The following RABGAP1L variants were observed in gnomAD, a reference collection of about 807,000 sequenced individuals.
The protein encoded by RABGAP1L is RAB GTPase activating protein 1 like.
RABGAP1L carries 63 observed loss-of-function variants against 137.7 expected under a neutral mutation model. The ratio of observed to expected loss-of-function variants is 0.46; its 90% CI spans 0.37 to 0.56. The LOEUF (loss-of-function observed/expected upper bound fraction) is 0.56, where lower values mean the gene tolerates loss of function less well. Among genes scored for constraint, RABGAP1L ranks in the 20% least tolerant of loss-of-function variants. RABGAP1L has a pLI of 0.00. For missense variants in RABGAP1L, 1,095 were observed against 1,244.0 expected (o/e 0.88, Z 1.80); for synonymous variants, 431 against 433.7 (o/e 0.99, Z 0.08).
In RABGAP1L at chr1:174,953,331, C is replaced by T. The variant is rs565333400; in HGVS notation, c.2341-4126C>T. ...TGTATTCTTTTCAGTCTTCCCCTCC[C>T]ATATCTCCGTCTGAGGCCAGCATGG... On this transcript the variant is annotated intron_variant, in intron 19 of 25. Transcript: ENST00000681986. Among the ~76,000 whole-genome samples, 3 of 152,302 alleles carry T rather than the reference C, an allele frequency of 2.0e-5. No homozygotes were observed. In the South Asian group the frequency reaches 6.2e-4, roughly 32 times the overall value.
chr1:174,625,433 G>A (rs1672876352), intron 13 of RABGAP1L, among the ~76,000 whole-genome samples: 2 of 152,090 alleles, frequency 1.3e-5, no homozygotes, highest in African/African-American at 4.8e-5. Context: ...GGGGTAGTGT[G>A]TGTGTGTTTG....
intron 1 of RABGAP1L, among the ~76,000 whole-genome samples, chr1:174,162,067 G>A (rs1400698367): frequency 1.3e-5 from 2 of 151,092 alleles, no homozygotes; most frequent in African/African-American, 4.9e-5. Context: ...GTTATTTGAT[G>A]GGAATTTCTA....
intron 18 of RABGAP1L, among the ~76,000 whole-genome samples, chr1:174,780,727 C>CACCCCCCCA (rs1686932110): frequency 7.6e-6 from 1 of 131,822 alleles, no homozygotes; most frequent in South Asian, 3.1e-4. Context: ...CCCACCCCCC[C>CACCCCCCCA]ACCCCACAAC....
chr1:174,947,464 C>G (rs1667066550), intron 19 of RABGAP1L, among the ~76,000 whole-genome samples: 1 of 152,004 alleles, frequency 6.6e-6, no homozygotes, highest in Non-Finnish European at 1.5e-5. Context: ...GTCACCCAGG[C>G]TGGAGTACAA....
chr1:174,438,748 A>ATATG lies in RABGAP1L; in HGVS notation c.1710+44606_1710+44607insGTAT, dbSNP rs1295018247. Reference sequence around the variant, plus strand: ...ACCCAAAAAAAGTGTGTGTGTGTATATATATATATATATATATATATATAT... The same window carrying ATATG: ...ACCCAAAAAAAGTGTGTGTGTGTATATATGTATATATATATATATATATATATAT... On this transcript the variant is annotated intron_variant, in intron 13 of 25. Transcript: ENST00000681986. 6.7e-4 allele frequency among the ~76,000 whole-genome samples: 77 copies of ATATG among 114,474 alleles called. 4 individuals are homozygous for ATATG. The East Asian group carries it at 0.016, about 24-fold the overall frequency. 75.1% of individuals were successfully genotyped at this position (114,474 alleles called of 152,430 possible).
intron 18 of RABGAP1L, among the ~76,000 whole-genome samples, chr1:174,776,391 A>AG (rs1229678694): frequency 6.6e-6 from 1 of 152,060 alleles, no homozygotes; most frequent in East Asian, 1.9e-4. Flanking sequence ...TAAAAAAAAA[A>AG]TAATAATAAA....
chr1:174,742,430 T>A (rs927295586), intron 17 of RABGAP1L, among the ~76,000 whole-genome samples: 1 of 152,096 alleles, frequency 6.6e-6, no homozygotes, highest in Non-Finnish European at 1.5e-5. Flanking sequence ...GGCAGGAGAT[T>A]TGCTTAAGCC....
At chr1:174,632,461 TCTC>T (rs1322226477) in intron 13 of RABGAP1L, among the ~76,000 whole-genome samples, 2 of 149,396 alleles carry the variant, frequency 1.3e-5, no homozygotes, top group African/African-American at 5.0e-5. Flanking sequence ...TTGGGGAAGT[TCTC>T]CTGGATAATA....
rs939442515 is a variant in RABGAP1L, at chr1:174,936,680, C to A, written c.2341-20777C>A. 2.6e-5 allele frequency among the ~76,000 whole-genome samples: 4 copies of A among 152,258 alleles called. No individual in the cohort carries two copies. The East Asian group carries it at 7.7e-4, about 29-fold the overall frequency. The stretch of plus-strand genomic sequence containing the variant: ...TAAATGACTGGACACCTTATAGAGA[C>A]AACAAAGTGCTCCCTAACACTAACT... On this transcript the variant is annotated intron_variant, in intron 19 of 25. Transcript: ENST00000681986.
At chr1:174,370,568 A>G (rs1451935946) in intron 11 of RABGAP1L, among the ~76,000 whole-genome samples, 1 of 75,534 alleles carries the variant, frequency 1.3e-5, no homozygotes, top group Non-Finnish European at 2.6e-5. Context: ...CATAATATGT[A>G]TGTTTCTCAG....
intron 18 of RABGAP1L, among the ~76,000 whole-genome samples, chr1:174,784,254 C>T (rs1387938710): frequency 6.6e-6 from 1 of 151,858 alleles, no homozygotes; most frequent in Non-Finnish European, 1.5e-5. Flanking sequence ...CTTCTGACCT[C>T]GTGATCCGCC....
intron 13 of RABGAP1L, among the ~76,000 whole-genome samples, chr1:174,584,431 G>A (rs1251263815): frequency 1.3e-5 from 2 of 152,178 alleles, no homozygotes; most frequent in Non-Finnish European, 2.9e-5. Flanking sequence ...ACATGGCTAA[G>A]AAATATCATT....
chr1:174,355,628 A>T (rs866036679), intron 11 of RABGAP1L, among the ~76,000 whole-genome samples: 51 of 149,286 alleles, frequency 3.4e-4, no homozygotes, highest in South Asian at 1.3e-3. Context: ...AATAAAATTT[A>T]AAAAAAAAAG....
At chr1:174,553,781 T>G (rs1666704544) in intron 13 of RABGAP1L, among the ~76,000 whole-genome samples, 2 of 152,164 alleles carry the variant, frequency 1.3e-5, no homozygotes, top group African/African-American at 4.8e-5. Context: ...CAGGCAGATT[T>G]CTTGAGCCCA....
chr1:174,200,814 T>A (rs1051379151), intron 1 of RABGAP1L, among the ~76,000 whole-genome samples: 4 of 152,244 alleles, frequency 2.6e-5, no homozygotes, highest in Non-Finnish European at 5.9e-5. Flanking sequence ...TCCCTGCTGG[T>A]ATTTTGCATT....
intron 19 of RABGAP1L, among the ~76,000 whole-genome samples, chr1:174,902,917 C>T (rs1658382493): frequency 6.6e-6 from 1 of 152,212 alleles, no homozygotes; most frequent in East Asian, 1.9e-4. Flanking sequence ...TAATGGACCA[C>T]AGCTGTTTCT....
At chr1:174,583,272 CT>C (rs887899481) in intron 13 of RABGAP1L, among the ~76,000 whole-genome samples, 1 of 152,112 alleles carries the variant, frequency 6.6e-6, no homozygotes, top group African/African-American at 2.4e-5. Context: ...CAGAGCCCAT[CT>C]TTTACAGATC....
At chr1:174,349,048 G>GGGT (rs1553278362) in intron 11 of RABGAP1L, among the ~76,000 whole-genome samples, 2 of 146,022 alleles carry the variant, frequency 1.4e-5, no homozygotes, top group African/African-American at 2.5e-5. Context: ...GCCGGGCGGG[G>GGGT]GGGGGGCTGA....
chr1:174,337,724 G>T (rs569259313), intron 11 of RABGAP1L, among the ~76,000 whole-genome samples: 1 of 152,198 alleles, frequency 6.6e-6, no homozygotes, highest in South Asian at 2.1e-4. Flanking sequence ...GACATGAAAA[G>T]GTGTCTGAGT....
Sources: gnomAD v4.1 joint callset for allele counts (sites outside exome capture counted in the v4.1 genomes callset) on GRCh38, gnomAD v4.1.1 for gene constraint, MANE v1.5 for transcripts, NCBI Gene and HGNC (gene_info 2026-07-23, HGNC 2026-07-21) for gene names.